SDHC: variants seen among roughly 807,000 people sequenced by gnomAD.
The protein encoded by SDHC is succinate dehydrogenase cytochrome b560 subunit, mitochondrial.
A neutral mutation model predicts 22.6 loss-of-function variants in SDHC; 11 were observed. That is an observed-to-expected ratio of 0.49 (90% CI 0.31 to 0.81). The LOEUF (loss-of-function observed/expected upper bound fraction) is 0.81. Among genes scored for constraint, SDHC ranks in the 30% least tolerant of loss-of-function variants. The pLI is 0.05. For missense variants in SDHC, 160 were observed against 212.0 expected (o/e 0.75, Z 1.52); for synonymous variants, 80 against 77.8 (o/e 1.03, Z -0.15).
intron 5 of SDHC, among the ~76,000 whole-genome samples, chr1:161,359,033 T>C (rs941164332): frequency 2.0e-5 from 3 of 151,692 alleles, no homozygotes; most frequent in African/African-American, 7.3e-5. Flanking sequence ...GAGGCAGAGG[T>C]TGCAGTGAGC....
intron 5 of SDHC, among the ~76,000 whole-genome samples, chr1:161,358,456 C>T (rs1366369612): frequency 6.6e-6 from 1 of 151,942 alleles, no homozygotes; most frequent in Non-Finnish European, 1.5e-5. Flanking sequence ...TCCTATGTGA[C>T]CTCATCGTCT....
intron 2 of SDHC, among the ~76,000 whole-genome samples, chr1:161,327,568 A>G (rs1023370684): frequency 1.5e-4 from 23 of 151,806 alleles, no homozygotes; most frequent in Non-Finnish European, 2.9e-5. Context: ...TATTTATTTT[A>G]TTTATTTTTT....
chr1:161,350,480 T>C (rs529414373), intron 4 of SDHC, among the ~76,000 whole-genome samples: 1 of 152,336 alleles, frequency 6.6e-6, no homozygotes, highest in Non-Finnish European at 1.5e-5. Flanking sequence ...TGTCACTGAG[T>C]AATGTAGTGT....
intron 3 of SDHC, among the ~76,000 whole-genome samples, chr1:161,336,150 C>T (rs1213203298): frequency 6.6e-6 from 1 of 152,192 alleles, no homozygotes; most frequent in East Asian, 1.9e-4. Flanking sequence ...GTGAAACTTT[C>T]TTTTTTAAGA....
chr1:161,326,399 A>G (rs1671049952), intron 2 of SDHC, among the ~76,000 whole-genome samples: 1 of 151,936 alleles, frequency 6.6e-6, no homozygotes, highest in Non-Finnish European at 1.5e-5. Context: ...CTTGGATCTC[A>G]TGTAGGAAGG....
At chr1:161,346,093 C>A (rs1317118124) in intron 4 of SDHC, among the ~76,000 whole-genome samples, 1 of 152,224 alleles carries the variant, frequency 6.6e-6, no homozygotes, top group African/African-American at 2.4e-5. Flanking sequence ...GCGTGAGCCA[C>A]CACGCCCAGC....
chr1:161,330,637 T>C lies in SDHC; in HGVS notation c.179+2140T>C, dbSNP rs1014338459. Among the ~76,000 whole-genome samples, 5 of 152,192 alleles carry C rather than the reference T, an allele frequency of 3.3e-5. No homozygotes were observed. In the South Asian group the frequency reaches 6.2e-4, roughly 19 times the overall value. ...GTAGAAATTTCGGGGTATGACAGTC[T>C]TCTTTTCATCTTCTCTCTGTCACTT... On this transcript the variant is annotated intron_variant, in intron 3 of 5. Transcript: ENST00000367975.
At chr1:161,315,856 G>A (rs1045726879) in intron 1 of SDHC, among the ~76,000 whole-genome samples, 1 of 152,006 alleles carries the variant, frequency 6.6e-6, no homozygotes, top group African/African-American at 2.4e-5. Context: ...GATCCCCGCC[G>A]GCCTCTGAGT....
At position 161,330,175 on chromosome 1, in the gene SDHC, A is replaced by G. The variant is rs114037282; in HGVS notation, c.179+1678A>G. On this transcript the variant is annotated intron_variant, in intron 3 of 5. Transcript: ENST00000367975. ...TCCCATGACAAAATACATTCACCAC[A>G]TCGCGGTGGCCCCAAAAGTTTCAAC... is the stretch of plus-strand genomic sequence containing the variant. Among the ~76,000 whole-genome samples the G allele has an allele frequency of 4.6e-3, 698 of 152,312 alleles. 3 individuals are homozygous for G. The highest frequency in any genetic ancestry group is 7.8e-3 in the Non-Finnish European group (532 of 68,024).
At chr1:161,338,022 CA>C (rs1391885825) in intron 3 of SDHC, among the ~76,000 whole-genome samples, 1 of 152,220 alleles carries the variant, frequency 6.6e-6, no homozygotes, top group African/African-American at 2.4e-5. Context: ...TGTCAGAATA[CA>C]ATTTTAAAAC....
intron 3 of SDHC, among the ~76,000 whole-genome samples, chr1:161,333,215 C>T (rs929961616): frequency 2.0e-5 from 3 of 152,116 alleles, no homozygotes; most frequent in African/African-American, 7.2e-5. Context: ...TATGTACATA[C>T]AGTGTTTTAT....
intron 5 of SDHC, among the ~76,000 whole-genome samples, chr1:161,357,552 AC>A (rs1672331920): frequency 6.8e-6 from 1 of 147,252 alleles, no homozygotes; most frequent in East Asian, 2.1e-4. Context: ...GGCGCCTCCC[AC>A]CACGCCCGGC....
intron 1 of SDHC, among the ~76,000 whole-genome samples, chr1:161,323,162 C>G (rs923050404): frequency 1.3e-5 from 2 of 152,088 alleles, no homozygotes; most frequent in Non-Finnish European, 2.9e-5. Flanking sequence ...CCACGCCTGG[C>G]TAATTTTTTG....
At chr1:161,331,909 A>AATTTTAGT (rs1671290830) in intron 3 of SDHC, among the ~76,000 whole-genome samples, 1 of 151,960 alleles carries the variant, frequency 6.6e-6, no homozygotes, top group Admixed American at 6.6e-5. Flanking sequence ...TGAATATCTT[A>AATTTTAGT]ATTTTAGTAT....
chr1:161,354,396 A>G (rs987817051), intron 4 of SDHC, among the ~76,000 whole-genome samples: 3 of 152,168 alleles, frequency 2.0e-5, no homozygotes, highest in Non-Finnish European at 4.4e-5. Context: ...ACAGATGTTA[A>G]GTATCACTGT....
chr1:161,361,910 C>T (rs534168905), intron 5 of SDHC, among the ~76,000 whole-genome samples: 1 of 147,672 alleles, frequency 6.8e-6, no homozygotes, highest in East Asian at 2.0e-4. Flanking sequence ...CTTTGTATGA[C>T]CACAGAACTT....
chr1:161,337,227 G>A (rs188709001), intron 3 of SDHC, among the ~76,000 whole-genome samples: 1 of 152,024 alleles, frequency 6.6e-6, no homozygotes, highest in Non-Finnish European at 1.5e-5. Flanking sequence ...TTCAAACAGG[G>A]CCTAGTGAAG....
intron 3 of SDHC, chr1:161,339,601 C>G: frequency 8.4e-7 from 1 of 1,189,200 alleles, no homozygotes; most frequent in Non-Finnish European, 1.1e-6. Flanking sequence ...AGGGATCCTT[C>G]TCCATAAATC....
At chr1:161,325,215 A>T (rs1327779160) in intron 2 of SDHC, among the ~76,000 whole-genome samples, 2 of 151,616 alleles carry the variant, frequency 1.3e-5, no homozygotes, top group Admixed American at 6.6e-5. Context: ...TCTCTATTTT[A>T]AAAAAAAGAA....
Sources: gnomAD v4.1 joint callset for allele counts (sites outside exome capture counted in the v4.1 genomes callset) on GRCh38, gnomAD v4.1.1 for gene constraint, MANE v1.5 for transcripts, NCBI Gene and HGNC (gene_info 2026-07-23, HGNC 2026-07-21) for gene names.